Variants in TEX101 observed in about 807,000 individuals in gnomAD.
TEX101 encodes the protein testis expressed 101.
Under a neutral mutation model 18.1 loss-of-function variants are expected in TEX101, and 10 were observed. The observed-to-expected ratio is 0.55, with a 90% CI of 0.34 to 0.94. The LOEUF (loss-of-function observed/expected upper bound fraction) is 0.94, where lower values mean the gene tolerates loss of function less well. Ranked by LOEUF, TEX101 falls within the 40% of genes least tolerant of loss-of-function variation. The pLI, the probability that TEX101 is intolerant of heterozygous loss-of-function variation, is 0.02. For synonymous variants in TEX101, 94 were observed against 114.8 expected (o/e 0.82, Z 1.16); for missense variants, 259 against 298.9 (o/e 0.87, Z 0.98).
chr19:43,403,126 G>T (rs1352394211), intron 2 of TEX101, among the ~76,000 whole-genome samples: 1 of 152,108 alleles, frequency 6.6e-6, no homozygotes, highest in Non-Finnish European at 1.5e-5. Context: ...ATATCCCTCA[G>T]GTAGGATCTC....
chr19:43,411,269 G>T (rs1167468787), upstream of TEX101, among the ~76,000 whole-genome samples: 1 of 151,994 alleles, frequency 6.6e-6, no homozygotes, highest in Non-Finnish European at 1.5e-5. Context: ...TGGAGACAGG[G>T]TTTCACCATG....
At chr19:43,405,238 C>A (rs145408833) in intron 2 of TEX101, among the ~76,000 whole-genome samples, 1 of 151,948 alleles carries the variant, frequency 6.6e-6, no homozygotes, top group Admixed American at 6.6e-5. Flanking sequence ...GAATTTCTAG[C>A]CTATTTCCCA....
chr19:43,409,248 T>C (rs565996610), intron 3 of TEX101, among the ~76,000 whole-genome samples: 2 of 152,332 alleles, frequency 1.3e-5, no homozygotes, highest in East Asian at 3.9e-4. Context: ...AGTTGGGTGC[T>C]TGCCTTATTT....
At chr19:43,389,478 C>A in the TEX101 span, among the ~76,000 whole-genome samples, 1 of 152,212 alleles carries the variant, frequency 6.6e-6, no homozygotes, top group Non-Finnish European at 1.5e-5. Flanking sequence ...GGTGTGGTTT[C>A]TGCCTCCTGC....
chr19:43,402,127 G>A (rs1970323407), intron 1 of TEX101, among the ~76,000 whole-genome samples: 1 of 152,246 alleles, frequency 6.6e-6, no homozygotes, highest in Non-Finnish European at 1.5e-5. Context: ...GTCCCATAGT[G>A]TTTAAGCTAC....
chr19:43,408,170 C>T (rs946736053), intron 3 of TEX101, among the ~76,000 whole-genome samples: 1 of 152,242 alleles, frequency 6.6e-6, no homozygotes, highest in African/African-American at 2.4e-5. Flanking sequence ...AGGAGGCGCC[C>T]GCCCCGCCCT....
the TEX101 span, among the ~76,000 whole-genome samples, chr19:43,392,829 G>A: frequency 6.6e-6 from 1 of 152,118 alleles, no homozygotes; most frequent in African/African-American, 2.4e-5. Flanking sequence ...AGGCTGAGAC[G>A]GGTGGATCAT....
chr19:43,389,821 T>A, the TEX101 span, among the ~76,000 whole-genome samples: 5 of 152,232 alleles, frequency 3.3e-5, 1 homozygote, highest in South Asian at 1.0e-3. Context: ...CCTACATCTC[T>A]CTCTGCTGTG....
intron 3 of TEX101, chr19:43,406,646 C>A: frequency 1.7e-6 from 1 of 581,310 alleles, no homozygotes; most frequent in Non-Finnish European, 3.1e-6. Flanking sequence ...TAGCCAAGCT[C>A]ACCAGGGGCA....
chr19:43,415,778 G>A, intron 1 of TEX101, 103 bp from the exon 2 acceptor site: 1 of 1,011,074 alleles, frequency 9.9e-7, no homozygotes. Flanking sequence ...AAAAAATGCA[G>A]ATTAAAACAC....
upstream of TEX101, among the ~76,000 whole-genome samples, chr19:43,401,007 T>C (rs1013455408): frequency 2.6e-5 from 4 of 152,214 alleles, no homozygotes; most frequent in African/African-American, 9.6e-5. Flanking sequence ...TTCTGACACA[T>C]GTTCTATAGG....
At chr19:43,390,460 C>CTTTTTTTTT in the TEX101 span, among the ~76,000 whole-genome samples, 129 of 49,866 alleles carry the variant, frequency 2.6e-3, 8 homozygotes, top group East Asian at 3.1e-3. Context: ...CTTTTTTTTT[C>CTTTTTTTTT]TTTTTTTTTT....
At chr19:43,388,979 C>G in the TEX101 span, among the ~76,000 whole-genome samples, 1 of 152,134 alleles carries the variant, frequency 6.6e-6, no homozygotes, top group Non-Finnish European at 1.5e-5. Flanking sequence ...GGCCCTGCCT[C>G]TCCTGGTTCA....
chr19:43,390,466 T>TC, the TEX101 span, among the ~76,000 whole-genome samples: 1 of 115,364 alleles, frequency 8.7e-6, no homozygotes, highest in Admixed American at 8.7e-5. Flanking sequence ...TTTTCTTTTT[T>TC]TTTTTTTTTT....
chr19:43,409,279 G>A (rs1016532310), intron 3 of TEX101, among the ~76,000 whole-genome samples: 1 of 152,336 alleles, frequency 6.6e-6, no homozygotes, highest in African/African-American at 2.4e-5. Context: ...TGAACAGTTA[G>A]TTGGGTACCT....
the TEX101 span, among the ~76,000 whole-genome samples, chr19:43,391,589 G>C: frequency 4.6e-5 from 7 of 151,862 alleles, no homozygotes; most frequent in East Asian, 3.9e-4. Flanking sequence ...GGTAGCACAT[G>C]GTGCATTGTT....
exon 3 of TEX101, chr19:43,406,488 C>T (rs777049636): frequency 5.2e-6 from 4 of 766,358 alleles, no homozygotes; most frequent in South Asian, 1.4e-5. Context: ...GGTCCCGCCT[C>T]CATCTTCAGT....
intron 1 of TEX101, among the ~76,000 whole-genome samples, chr19:43,402,261 A>T (rs1436693246): frequency 3.9e-5 from 6 of 152,256 alleles, no homozygotes; most frequent in African/African-American, 1.4e-4. Context: ...TCTGTATCAT[A>T]GAAGCAAACG....
the TEX101 span, among the ~76,000 whole-genome samples, chr19:43,391,752 G>A: frequency 7.2e-5 from 11 of 152,154 alleles, no homozygotes; most frequent in Admixed American, 2.6e-4. Flanking sequence ...CATCAGGGTC[G>A]TTCCCGGTCT....
Sources: gnomAD v4.1 joint callset for allele counts (sites outside exome capture counted in the v4.1 genomes callset) on GRCh38, gnomAD v4.1.1 for gene constraint, MANE v1.5 for transcripts, NCBI Gene and HGNC (gene_info 2026-07-23, HGNC 2026-07-21) for gene names.